GRIK2: variants seen among roughly 807,000 people sequenced by gnomAD.
The protein encoded by GRIK2 is glutamate ionotropic receptor kainate type subunit 2.
In GRIK2, 32 loss-of-function variants were observed where a neutral mutation model predicts 100.3. That is an observed-to-expected ratio of 0.32 (90% CI 0.24 to 0.43). GRIK2 has a LOEUF of 0.43. GRIK2 is among the 20% of genes least tolerant of loss of function. GRIK2 has a pLI of 1.00. For missense variants in GRIK2, 843 were observed against 1,114.9 expected, an observed-to-expected ratio of 0.76 and a Z score of 3.47; for synonymous variants, 417 against 389.4, an observed-to-expected ratio of 1.07 and a Z score of -0.83.
chr6:101,995,329 A>C (rs1198174293), intron 14 of GRIK2, among the ~76,000 whole-genome samples: 1 of 151,942 alleles, frequency 6.6e-6, no homozygotes, highest in Non-Finnish European at 1.5e-5. Flanking sequence ...ACTGACTATA[A>C]AGCCAAGTAA....
At chr6:101,529,872 A>T (rs1361348653) in intron 2 of GRIK2, among the ~76,000 whole-genome samples, 1 of 152,118 alleles carries the variant, frequency 6.6e-6, no homozygotes, top group Non-Finnish European at 1.5e-5. Flanking sequence ...GGATAAATAC[A>T]ATTCATTTTT....
At chr6:101,709,623 T>A (rs756428644) in intron 7 of GRIK2, among the ~76,000 whole-genome samples, 1 of 151,850 alleles carries the variant, frequency 6.6e-6, no homozygotes, top group African/African-American at 2.4e-5. Context: ...TAAGCAGCTA[T>A]TCTCTAGTTA....
intron 7 of GRIK2, among the ~76,000 whole-genome samples, chr6:101,692,001 G>A (rs552114658): frequency 7.5e-6 from 1 of 132,918 alleles, no homozygotes; most frequent in South Asian, 2.4e-4. Context: ...GCAGTGAACA[G>A]TGTTCACCCA....
chr6:101,649,574 G>A (rs1341797409), intron 4 of GRIK2, among the ~76,000 whole-genome samples: 1 of 152,064 alleles, frequency 6.6e-6, no homozygotes, highest in African/African-American at 2.4e-5. Context: ...CTACATACAA[G>A]TACAAGCCAC....
At chr6:101,505,196 C>G (rs560584650) in intron 2 of GRIK2, among the ~76,000 whole-genome samples, 140 of 151,894 alleles carry the variant, frequency 9.2e-4, no homozygotes, top group African/African-American at 3.3e-3. Context: ...TCATACATTT[C>G]TGTTTCATTT....
chr6:101,708,004 C>T (rs1773457040), intron 7 of GRIK2, among the ~76,000 whole-genome samples: 1 of 151,676 alleles, frequency 6.6e-6, no homozygotes, highest in Admixed American at 6.6e-5. Context: ...TGCATTCATT[C>T]ACTCCTTAAG....
At chr6:101,808,448 C>G (rs950147533) in intron 9 of GRIK2, among the ~76,000 whole-genome samples, 6 of 151,956 alleles carry the variant, frequency 3.9e-5, no homozygotes, top group Non-Finnish European at 7.4e-5. Context: ...CCACAAAGTA[C>G]TTCGTGTGTT....
At chr6:101,920,749 G>T (rs1484439758) in intron 12 of GRIK2, among the ~76,000 whole-genome samples, 3 of 147,784 alleles carry the variant, frequency 2.0e-5, no homozygotes, top group African/African-American at 5.0e-5. Flanking sequence ...TTTTGGAAAG[G>T]GGGGTCAGAG....
intron 12 of GRIK2, among the ~76,000 whole-genome samples, chr6:101,915,853 C>A (rs1251718015): frequency 6.6e-6 from 1 of 151,322 alleles, no homozygotes; most frequent in African/African-American, 2.4e-5. Context: ...AGCAATCTAT[C>A]CCGGAAGGTA....
chr6:101,615,107 T>C (rs960903744), intron 2 of GRIK2, among the ~76,000 whole-genome samples: 1 of 151,748 alleles, frequency 6.6e-6, no homozygotes, highest in African/African-American at 2.4e-5. Flanking sequence ...AGGAGGGCAA[T>C]TGTGCCCATG....
intron 2 of GRIK2, among the ~76,000 whole-genome samples, chr6:101,539,573 G>T (rs1775886021): frequency 6.6e-6 from 1 of 151,780 alleles, no homozygotes; most frequent in Non-Finnish European, 1.5e-5. Flanking sequence ...GATAGTAGTA[G>T]TAAGTAACAG....
intron 2 of GRIK2, among the ~76,000 whole-genome samples, chr6:101,408,668 C>T (rs1775719583): frequency 6.6e-6 from 1 of 152,114 alleles, no homozygotes. Flanking sequence ...TCTTTTCACT[C>T]TATTCAGGCA....
intron 2 of GRIK2, among the ~76,000 whole-genome samples, chr6:101,479,694 G>A (rs188872329): frequency 4.6e-5 from 7 of 152,136 alleles, no homozygotes; most frequent in African/African-American, 1.7e-4. Flanking sequence ...AATGAATTAG[G>A]TTTTGTTATT....
intron 4 of GRIK2, among the ~76,000 whole-genome samples, chr6:101,671,237 C>G (rs1051591627): frequency 6.6e-6 from 1 of 152,024 alleles, no homozygotes; most frequent in African/African-American, 2.4e-5. Context: ...TTGAATAACT[C>G]TAAAAGTATT....
At chr6:101,779,071 A>G (rs1396832483) in intron 7 of GRIK2, among the ~76,000 whole-genome samples, 1 of 152,156 alleles carries the variant, frequency 6.6e-6, no homozygotes, top group African/African-American at 2.4e-5. Flanking sequence ...AACTTTTTAG[A>G]ACATCTAATT....
chr6:101,911,595 C>T (rs182890454), intron 12 of GRIK2, among the ~76,000 whole-genome samples: 1 of 151,488 alleles, frequency 6.6e-6, no homozygotes, highest in Admixed American at 6.6e-5. Flanking sequence ...TTTAACATTG[C>T]CGTTCCTTTA....
chr6:101,970,054 G>T, intron 14 of GRIK2, among the ~76,000 whole-genome samples: 1 of 151,940 alleles, frequency 6.6e-6, no homozygotes, highest in East Asian at 1.9e-4. Context: ...GAAATCACAT[G>T]CCTATTTTTA....
chr6:101,698,470 T>G (rs1211038447), intron 7 of GRIK2, among the ~76,000 whole-genome samples: 3 of 152,104 alleles, frequency 2.0e-5, no homozygotes, highest in African/African-American at 7.2e-5. Flanking sequence ...TTTGCCTTTC[T>G]AAAAGAACTC....
At chr6:101,680,078 G>T (rs558488455) in intron 5 of GRIK2, among the ~76,000 whole-genome samples, 158 of 152,240 alleles carry the variant, frequency 1.0e-3, no homozygotes, top group African/African-American at 3.7e-3. Flanking sequence ...CACATTAACT[G>T]ATCCTTGTTT....
Sources: allele counts gnomAD v4.1 joint callset (sites outside exome capture counted in the v4.1 genomes callset), GRCh38; gene constraint gnomAD v4.1.1; transcripts MANE v1.5; gene names NCBI Gene and HGNC (gene_info 2026-07-23, HGNC 2026-07-21).